The following KLF12 variants were observed in gnomAD, a reference collection of about 807,000 sequenced individuals.
KLF12 encodes the protein Krueppel-like factor 12.
KLF12 carries 9 observed loss-of-function variants against 37.8 expected under a neutral mutation model. The ratio of observed to expected loss-of-function variants is 0.24; its 90% confidence interval spans 0.14 to 0.42. The LOEUF (loss-of-function observed/expected upper bound fraction) is 0.42, where lower values mean the gene tolerates loss of function less well. Among genes scored for constraint, KLF12 ranks in the 10% least tolerant of loss-of-function variants. KLF12 has a pLI of 1.00. For missense variants in KLF12, 411 were observed against 516.0 expected (o/e 0.80, Z 1.97); for synonymous variants, 208 against 202.1 (o/e 1.03, Z -0.25).
intron 3 of KLF12, among the ~76,000 whole-genome samples, chr13:73,883,284 G>A (rs1223962923): frequency 6.6e-6 from 1 of 152,122 alleles, no homozygotes; most frequent in Non-Finnish European, 1.5e-5. Context: ...GATTGAATCA[G>A]CCTCACAAGT....
In KLF12 at chr13:73,848,997, C is replaced by T. The variant is rs576316019; in HGVS notation, c.124-2624G>A. 1.6e-4 allele frequency among the ~76,000 whole-genome samples: 25 copies of T among 152,134 alleles called. 1 individual carries two copies. In the Middle Eastern group the frequency reaches 0.014, roughly 83 times the overall value. On this transcript the variant is annotated intron_variant, in intron 3 of 7. Transcript: ENST00000377669. ...TGACACAGCAGCATATCCTGACAGC[C>T]GACACTAATCTCTTATGCAATGATT...
chr13:74,301,300 A>C, the KLF12 span, among the ~76,000 whole-genome samples: 1 of 152,128 alleles, frequency 6.6e-6, no homozygotes, highest in Non-Finnish European at 1.5e-5. Context: ...TAGTTCTCCT[A>C]ATCACCAGCA....
At chr13:73,953,432 T>G (rs1045483485) in intron 2 of KLF12, among the ~76,000 whole-genome samples, 1 of 152,144 alleles carries the variant, frequency 6.6e-6, no homozygotes, top group Non-Finnish European at 1.5e-5. Flanking sequence ...AAAATACAAA[T>G]TGCTATTTGC....
At chr13:73,978,906 CA>C (rs1299527184) in intron 2 of KLF12, among the ~76,000 whole-genome samples, 2 of 152,098 alleles carry the variant, frequency 1.3e-5, no homozygotes, top group Non-Finnish European at 2.9e-5. Flanking sequence ...GTGAAAGAAG[CA>C]AATCTGAAAA....
chr13:74,133,622 G>T (rs1341098387), intron 1 of KLF12, among the ~76,000 whole-genome samples: 1 of 147,422 alleles, frequency 6.8e-6, no homozygotes, highest in East Asian at 2.0e-4. Flanking sequence ...AACTTGAGCA[G>T]ATGACAGAAG....
chr13:74,270,330 A>T, the KLF12 span, among the ~76,000 whole-genome samples: 3 of 152,304 alleles, frequency 2.0e-5, no homozygotes, highest in East Asian at 5.8e-4. Context: ...GTTTTGCAGG[A>T]TATGGTATCA....
chr13:74,019,579 A>C (rs1892787814), intron 1 of KLF12, among the ~76,000 whole-genome samples: 1 of 152,258 alleles, frequency 6.6e-6, no homozygotes, highest in African/African-American at 2.4e-5. Flanking sequence ...CGTATGTTTA[A>C]ATAAAAGTAG....
At chr13:74,232,947 G>A in the KLF12 span, among the ~76,000 whole-genome samples, 2 of 152,074 alleles carry the variant, frequency 1.3e-5, no homozygotes, top group Admixed American at 6.5e-5. Flanking sequence ...GTGCAGTGGC[G>A]TGATCTCAGC....
intron 1 of KLF12, among the ~76,000 whole-genome samples, chr13:74,047,576 G>A (rs1349856629): frequency 2.8e-5 from 4 of 144,662 alleles, no homozygotes; most frequent in East Asian, 2.1e-4. Context: ...CAGCCTGGGC[G>A]ACATAATGAG....
chr13:74,079,189 T>C (rs1056663187), intron 1 of KLF12, among the ~76,000 whole-genome samples: 1 of 143,126 alleles, frequency 7.0e-6, no homozygotes, highest in Non-Finnish European at 1.5e-5. Flanking sequence ...GCAGTCAAAT[T>C]CGTAGAGACA....
rs539900769 is a variant in KLF12 at position 74,047,813 on chromosome 13, G to A, written c.-31-52760C>T. Among the ~76,000 whole-genome samples, 17 of 152,256 alleles carry A rather than the reference G, an allele frequency of 1.1e-4. No individual in the cohort carries two copies. The South Asian group carries it at 3.3e-3, about 30-fold the overall frequency. ...CTCTTACGTGTCCCATTCCATAAAC[G>A]CTTTTTTGATTAAACAAGTTTCAGT... On this transcript the variant is annotated intron_variant, in intron 1 of 7. Transcript: ENST00000377669.
At chr13:74,049,152 G>C (rs955561304) in intron 1 of KLF12, among the ~76,000 whole-genome samples, 1 of 152,206 alleles carries the variant, frequency 6.6e-6, no homozygotes, top group Non-Finnish European at 1.5e-5. Flanking sequence ...TTTATTGCTA[G>C]TGCAGAGTCA....
intron 1 of KLF12, among the ~76,000 whole-genome samples, chr13:74,062,724 G>C (rs1235457344): frequency 2.6e-5 from 4 of 152,116 alleles, no homozygotes; most frequent in Non-Finnish European, 5.9e-5. Flanking sequence ...TTACAGAGCT[G>C]TGTCAGCAAA....
At chr13:74,213,309 G>A in the KLF12 span, among the ~76,000 whole-genome samples, 5,688 of 151,932 alleles carry the variant, frequency 0.037, 341 homozygotes, top group African/African-American at 0.13. Context: ...CTAAATTTTA[G>A]TGTTGAGAGT....
At chr13:73,790,141 T>G (rs1881599780) in intron 5 of KLF12, among the ~76,000 whole-genome samples, 1 of 152,202 alleles carries the variant, frequency 6.6e-6, no homozygotes, top group Non-Finnish European at 1.5e-5. Flanking sequence ...GCTGTTCACA[T>G]AACAGTACTT....
Position 73,835,394 on chromosome 13 carries a change from T to G in KLF12, c.670+10433A>C, listed in dbSNP as rs185088878. On this transcript the variant is annotated intron_variant, in intron 4 of 7. Transcript: ENST00000377669. ...ACAGGTCTCATGGTTCCATATTACATGACTTCTGGAAAAGGTGATTTGGTT... is the reference window on the plus strand; with the variant it reads ...ACAGGTCTCATGGTTCCATATTACAGGACTTCTGGAAAAGGTGATTTGGTT... 1.4e-3 allele frequency among the ~76,000 whole-genome samples: 207 copies of G among 152,206 alleles called. 1 individual carries two copies. Among genetic ancestry groups the G allele is most frequent in the African/African-American group, 4.7e-3 (195 of 41,530 alleles).
chr13:73,745,747 A>G (rs9543443), intron 6 of KLF12, among the ~76,000 whole-genome samples: 14,225 of 152,200 alleles, frequency 0.093, 755 homozygotes, highest in South Asian at 0.18. Flanking sequence ...ATTTCAGATA[A>G]CACCAAGCAA....
chr13:74,291,601 G>A, the KLF12 span, among the ~76,000 whole-genome samples: 1 of 152,178 alleles, frequency 6.6e-6, no homozygotes, highest in Non-Finnish European at 1.5e-5. Context: ...CCAGTGAGAA[G>A]GGCAGGGCAT....
chr13:74,287,064 C>G, the KLF12 span, among the ~76,000 whole-genome samples: 1 of 152,148 alleles, frequency 6.6e-6, no homozygotes, highest in Non-Finnish European at 1.5e-5. Flanking sequence ...TAGCCCTGGT[C>G]CCAAAGGTCT....
Sources: gnomAD v4.1 joint callset for allele counts (sites outside exome capture counted in the v4.1 genomes callset) on GRCh38, gnomAD v4.1.1 for gene constraint, MANE v1.5 for transcripts, NCBI Gene and HGNC (gene_info 2026-07-23, HGNC 2026-07-21) for gene names.